The following CNTNAP5 variants were observed in gnomAD, a reference collection of about 807,000 sequenced individuals.
The protein encoded by CNTNAP5 is contactin associated protein family member 5, also known as contactin-associated protein-like 5.
Under a neutral mutation model 150.2 loss-of-function variants are expected in CNTNAP5, and 72 were observed. The observed-to-expected ratio is 0.48, with a 90% CI of 0.40 to 0.58. The LOEUF is 0.58. Among genes scored for constraint, CNTNAP5 ranks in the 20% least tolerant of loss-of-function variants. The pLI is 0.00. For synonymous variants in CNTNAP5, 672 were observed against 619.8 expected (o/e 1.08, Z -1.25); for missense variants, 1,636 against 1,626.2 (o/e 1.01, Z -0.10).
In CNTNAP5 at chr2:124,099,057, C is replaced by T. The variant is rs115282292; in HGVS notation, c.82+73325C>T. ...CCTTTGTGCAGTGCTCAAGGACCTT[C>T]GTAACACAAGATCTGCCTATTTCTT... On this transcript the variant is annotated intron_variant, in intron 1 of 23. Coordinates refer to ENST00000682447, the MANE Select transcript of CNTNAP5 (RefSeq NM_001367498.1). Among the ~76,000 whole-genome samples the T allele has an allele frequency of 4.6e-3, 706 of 152,302 alleles. 3 individuals carry two copies. The highest frequency in any genetic ancestry group is 0.017 in the Middle Eastern group (5 of 294).
At chr2:124,647,025 C>G (rs4848959) in intron 12 of CNTNAP5, among the ~76,000 whole-genome samples, 76,733 of 152,010 alleles carry the variant, frequency 0.5, 20,666 homozygotes, top group Non-Finnish European at 0.62. Flanking sequence ...CAAGCTTGTT[C>G]TTGGCAGATA....
chr2:124,729,000 G>A (rs10208784), intron 13 of CNTNAP5, among the ~76,000 whole-genome samples: 38,648 of 151,964 alleles, frequency 0.25, 5,561 homozygotes, highest in Non-Finnish European at 0.34. Flanking sequence ...GAGAGAGACA[G>A]TATTTTAGGC....
At chr2:124,751,073 C>T (rs17393515) in intron 14 of CNTNAP5, among the ~76,000 whole-genome samples, 12,308 of 150,636 alleles carry the variant, frequency 0.082, 620 homozygotes, top group South Asian at 0.12. Flanking sequence ...AAAAATCTGG[C>T]GAGAGAAATA....
intron 16 of CNTNAP5, among the ~76,000 whole-genome samples, chr2:124,767,580 G>C (rs1386276715): frequency 6.6e-6 from 1 of 152,158 alleles, no homozygotes; most frequent in Admixed American, 6.6e-5. Flanking sequence ...TTCCAAGTGG[G>C]TTTGTGAGCT....
intron 1 of CNTNAP5, among the ~76,000 whole-genome samples, chr2:124,203,968 A>C (rs1331317943): frequency 1.3e-5 from 2 of 152,166 alleles, no homozygotes; most frequent in African/African-American, 2.4e-5. Flanking sequence ...TGAATTTCTC[A>C]TCAAAAAATG....
At chr2:124,634,729 C>T (rs1677936803) in intron 12 of CNTNAP5, among the ~76,000 whole-genome samples, 1 of 152,020 alleles carries the variant, frequency 6.6e-6, no homozygotes, top group African/African-American at 2.4e-5. Context: ...GTCTCAAACT[C>T]GTGAGCTCAA....
intron 8 of CNTNAP5, among the ~76,000 whole-genome samples, chr2:124,507,220 A>T (rs1412226991): frequency 6.6e-6 from 1 of 152,134 alleles, no homozygotes; most frequent in Non-Finnish European, 1.5e-5. Flanking sequence ...CCACTTTGAG[A>T]GGCCAAGGAG....
At chr2:124,518,834 A>G (rs1302114509) in intron 8 of CNTNAP5, among the ~76,000 whole-genome samples, 1 of 151,718 alleles carries the variant, frequency 6.6e-6, no homozygotes, top group African/African-American at 2.4e-5. Context: ...TAAAAATACA[A>G]AAAAATTACC....
chr2:124,128,918 T>C (rs909699311), intron 1 of CNTNAP5, among the ~76,000 whole-genome samples: 1 of 151,848 alleles, frequency 6.6e-6, no homozygotes, highest in Non-Finnish European at 1.5e-5. Flanking sequence ...TCATGGGGTA[T>C]GGGGAGGGGA....
intron 3 of CNTNAP5, among the ~76,000 whole-genome samples, chr2:124,360,658 G>A (rs1573940992): frequency 7.6e-6 from 1 of 131,078 alleles, no homozygotes; most frequent in African/African-American, 2.9e-5. Context: ...CTGGCTTGTA[G>A]GGTTTCTGCC....
chr2:124,810,964 A>G (rs1449284030), intron 19 of CNTNAP5, among the ~76,000 whole-genome samples: 1 of 152,162 alleles, frequency 6.6e-6, no homozygotes, highest in African/African-American at 2.4e-5. Flanking sequence ...TTTAAAGTTG[A>G]GGAAACCAAA....
At chr2:124,118,435 G>C (rs774469460) in intron 1 of CNTNAP5, among the ~76,000 whole-genome samples, 1 of 152,130 alleles carries the variant, frequency 6.6e-6, no homozygotes, top group Non-Finnish European at 1.5e-5. Context: ...CAGATTGAAG[G>C]GATAGTAAAG....
chr2:124,042,654 C>G (rs915053350), intron 1 of CNTNAP5, among the ~76,000 whole-genome samples: 1 of 152,166 alleles, frequency 6.6e-6, no homozygotes, highest in Non-Finnish European at 1.5e-5. Flanking sequence ...TAAAAATTAT[C>G]TGGTCAGGAC....
intron 13 of CNTNAP5, among the ~76,000 whole-genome samples, chr2:124,716,843 C>A (rs890890209): frequency 2.6e-5 from 4 of 152,078 alleles, no homozygotes; most frequent in Non-Finnish European, 5.9e-5. Flanking sequence ...TTGCAGTTTC[C>A]AACAACCTGT....
intron 17 of CNTNAP5, among the ~76,000 whole-genome samples, chr2:124,775,047 A>G (rs1191314430): frequency 1.3e-5 from 2 of 152,192 alleles, no homozygotes; most frequent in Non-Finnish European, 2.9e-5. Flanking sequence ...TTTCTCTCCA[A>G]TAAGTCCCAT....
chr2:124,796,173 A>C (rs1681842194), intron 18 of CNTNAP5, among the ~76,000 whole-genome samples: 1 of 152,208 alleles, frequency 6.6e-6, no homozygotes, highest in South Asian at 2.1e-4. Context: ...AGGAAGAGTG[A>C]CAACAGAAAT....
intron 3 of CNTNAP5, among the ~76,000 whole-genome samples, chr2:124,407,654 C>G (rs1691608086): frequency 6.6e-6 from 1 of 152,156 alleles, no homozygotes; most frequent in Admixed American, 6.5e-5. Context: ...GTACCCAGTA[C>G]TCAGACTATT....
chr2:124,296,038 T>A (rs1688421933), intron 3 of CNTNAP5, among the ~76,000 whole-genome samples: 1 of 152,238 alleles, frequency 6.6e-6, no homozygotes, highest in African/African-American at 2.4e-5. Flanking sequence ...TATGTACATT[T>A]ATATAGTACC....
At chr2:124,150,345 C>G (rs1051002286) in intron 1 of CNTNAP5, among the ~76,000 whole-genome samples, 1 of 152,184 alleles carries the variant, frequency 6.6e-6, no homozygotes, top group Non-Finnish European at 1.5e-5. Flanking sequence ...CATTGACTAA[C>G]TTACCTCATG....
Sources: allele counts gnomAD v4.1 joint callset (sites outside exome capture counted in the v4.1 genomes callset), GRCh38; gene constraint gnomAD v4.1.1; transcripts MANE v1.5; gene names NCBI Gene and HGNC (gene_info 2026-07-23, HGNC 2026-07-21).